The following HHIP variants were observed in gnomAD, a reference collection of about 807,000 sequenced individuals.
HHIP encodes the protein hedgehog interacting protein, also known as hedgehog-interacting protein.
A neutral mutation model predicts 74.0 loss-of-function variants in HHIP; 12 were observed. The ratio of observed to expected loss-of-function variants is 0.16; its 90% CI spans 0.10 to 0.26. HHIP has a LOEUF of 0.26. Ranked by LOEUF, HHIP falls within the 10% of genes least tolerant of loss-of-function variation. The pLI is 1.00. For missense variants in HHIP, 788 were observed against 845.0 expected (o/e 0.93, Z 0.84); for synonymous variants, 309 against 311.6 (o/e 0.99, Z 0.09).
intron 1 of HHIP, among the ~76,000 whole-genome samples, chr4:144,649,115 C>T (rs1224169040): frequency 1.3e-5 from 2 of 152,048 alleles, no homozygotes; most frequent in Admixed American, 6.6e-5. Flanking sequence ...TAATAAACTT[C>T]AGTGTTTCCC....
rs1398921903 is a variant in HHIP, at chr4:144,648,910, A to G, written c.279+1956A>G. ...CTGTTTTATGTGCTTCCAATCTCCA[A>G]CAAACCCCTACTCATTTGGAAAGTG... On this transcript the variant is annotated intron_variant, in intron 1 of 12. Transcript: ENST00000296575. Among the ~76,000 whole-genome samples the G allele has an allele frequency of 7.9e-5, 12 of 152,302 alleles. No homozygotes were observed. The East Asian group carries it at 1.5e-3, about 20-fold the overall frequency.
At chr4:144,684,227 A>G (rs1170927210) in intron 4 of HHIP, among the ~76,000 whole-genome samples, 5 of 146,114 alleles carry the variant, frequency 3.4e-5, no homozygotes, top group African/African-American at 1.0e-4. Flanking sequence ...CAAAAAAAAA[A>G]AAGAATTTTT....
At chr4:144,674,797 A>C (rs1158875314) in intron 4 of HHIP, among the ~76,000 whole-genome samples, 1 of 152,164 alleles carries the variant, frequency 6.6e-6, no homozygotes, top group Non-Finnish European at 1.5e-5. Context: ...CATGCTTCTT[A>C]AAAGTGAATT....
At chr4:144,696,961 C>T (rs949610679) in intron 4 of HHIP, among the ~76,000 whole-genome samples, 11 of 151,910 alleles carry the variant, frequency 7.2e-5, no homozygotes, top group Non-Finnish European at 4.4e-5. Context: ...AGACTTGCTC[C>T]TAATTTACAT....
intron 12 of HHIP, among the ~76,000 whole-genome samples, chr4:144,735,460 A>T (rs954619328): frequency 6.6e-6 from 1 of 152,160 alleles, no homozygotes; most frequent in South Asian, 2.1e-4. Flanking sequence ...CTGCTCAGAG[A>T]GAGCAAAGGA....
At chr4:144,725,099 T>C (rs1321735245) in intron 11 of HHIP, among the ~76,000 whole-genome samples, 1 of 152,182 alleles carries the variant, frequency 6.6e-6, no homozygotes, top group Non-Finnish European at 1.5e-5. Flanking sequence ...GAATATCTTA[T>C]ACTTTTATAG....
Position 144,698,682 on chromosome 4 carries a change from A to C in HHIP, c.832-7849A>C, listed in dbSNP as rs962273637. Among the ~76,000 whole-genome samples the C allele has an allele frequency of 2.6e-5, 4 of 152,200 alleles. No individual in the cohort carries two copies. In the East Asian group the frequency reaches 5.8e-4, roughly 22 times the overall value. On this transcript the variant is annotated intron_variant, in intron 4 of 12. Transcript: ENST00000296575. ...GGAAAAGTAGAGGAAATTTTAATGAAAAGGGAGAATTCCTATTAGAATTGA... is the reference window on the plus strand; with the variant it reads ...GGAAAAGTAGAGGAAATTTTAATGACAAGGGAGAATTCCTATTAGAATTGA...
At chr4:144,674,368 A>G (rs1293344551) in intron 4 of HHIP, among the ~76,000 whole-genome samples, 1 of 152,226 alleles carries the variant, frequency 6.6e-6, no homozygotes, top group Non-Finnish European at 1.5e-5. Context: ...AAAAAATAAA[A>G]GCAGGAGACT....
chr4:144,672,470 G>A (rs1411339107), intron 4 of HHIP, among the ~76,000 whole-genome samples: 1 of 152,080 alleles, frequency 6.6e-6, no homozygotes, highest in Non-Finnish European at 1.5e-5. Context: ...GGGGTGGTAG[G>A]GGAGAAGCCC....
At chr4:144,682,421 T>C (rs958078782) in intron 4 of HHIP, among the ~76,000 whole-genome samples, 2 of 152,266 alleles carry the variant, frequency 1.3e-5, no homozygotes, top group Non-Finnish European at 2.9e-5. Context: ...GTTGGATTTA[T>C]TTCTTTCAAA....
intron 4 of HHIP, among the ~76,000 whole-genome samples, chr4:144,669,251 T>C (rs1728966206): frequency 6.6e-6 from 1 of 152,202 alleles, no homozygotes; most frequent in Non-Finnish European, 1.5e-5. Context: ...CAGTCAAATA[T>C]GTTTTGAAAA....
intron 4 of HHIP, among the ~76,000 whole-genome samples, chr4:144,704,564 C>T (rs1730077481): frequency 6.6e-6 from 1 of 152,194 alleles, no homozygotes; most frequent in Non-Finnish European, 1.5e-5. Context: ...TCCTGAGAAG[C>T]AACCAGCACA....
rs1252019549 is a variant in HHIP at position 144,652,797 on chromosome 4, G to T, written c.472G>T (p.Gly158Cys). Reference protein sequence around the residue: ...FFYTCRGHIPGFLQTTADEFC... With the variant: ...FFYTCRGHIPCFLQTTADEFC... ...TTACACTTGCCGAGGCCATATTCCA[G>T]GTAAGAAAAAAAAATGCATAAGTAA... The change falls in exon 2 of 13, where the codon GGT (glycine) becomes TGT (cysteine). Residue 158 changes from glycine (G) to cysteine (C), a missense_variant and splice_region_variant. Around this residue, in one of 3 missense-constraint regions of HHIP, gnomAD observed 373 missense variants for 366.4 expected, o/e 1.02. Coordinates refer to ENST00000296575, the MANE Select transcript of HHIP (RefSeq NM_022475.3). 1.3e-6 allele frequency: 2 copies of T among 1,555,268 alleles called. No homozygotes were observed. Among genetic ancestry groups the T allele is most frequent in the African/African-American group, 1.4e-5 (1 of 70,088 alleles).
chr4:144,687,024 G>C (rs779533150), intron 4 of HHIP, among the ~76,000 whole-genome samples: 3 of 151,740 alleles, frequency 2.0e-5, no homozygotes, highest in Non-Finnish European at 3.0e-5. Context: ...AAATCATCAA[G>C]TCTTCAGGGC....
intron 4 of HHIP, among the ~76,000 whole-genome samples, chr4:144,665,702 TAA>T (rs1221123695): frequency 6.6e-6 from 1 of 152,234 alleles, no homozygotes. Context: ...TCAATAAGTA[TAA>T]GTGTGCATTT....
At chr4:144,668,549 C>A (rs541797033) in intron 4 of HHIP, among the ~76,000 whole-genome samples, 26 of 152,140 alleles carry the variant, frequency 1.7e-4, no homozygotes, top group African/African-American at 6.0e-4. Flanking sequence ...GTCAAGAGAT[C>A]GAGATGATCA....
At chr4:144,701,114 T>C (rs1212224234) in intron 4 of HHIP, among the ~76,000 whole-genome samples, 1 of 152,220 alleles carries the variant, frequency 6.6e-6, no homozygotes, top group Non-Finnish European at 1.5e-5. Flanking sequence ...ATATATCTTA[T>C]AGGGAATTCA....
chr4:144,658,770 T>C lies in HHIP; in HGVS notation c.473-20T>C, dbSNP rs1283279934. The C allele has an allele frequency of 6.2e-7, 1 of 1,602,154 alleles. No homozygotes were observed. The highest frequency in any genetic ancestry group is 8.5e-7 in the Non-Finnish European group (1 of 1,173,480). On this transcript the variant is annotated intron_variant, in intron 2 of 12. Coordinates refer to ENST00000296575, the MANE Select transcript of HHIP (RefSeq NM_022475.3). ...TATGACATTAGGTGCTTCTAATGAGTCTTTTTATATTTTTTAAAGGTTTCC... is the reference window on the plus strand; with the variant it reads ...TATGACATTAGGTGCTTCTAATGAGCCTTTTTATATTTTTTAAAGGTTTCC...
intron 4 of HHIP, among the ~76,000 whole-genome samples, chr4:144,679,796 G>T (rs1443468605): frequency 6.6e-6 from 1 of 152,102 alleles, no homozygotes; most frequent in Non-Finnish European, 1.5e-5. Context: ...AATATTTTCA[G>T]TATTTCTTTA....
Sources: allele counts gnomAD v4.1 joint callset (sites outside exome capture counted in the v4.1 genomes callset), GRCh38; gene constraint gnomAD v4.1.1; regional missense constraint gnomAD v4.1.1; transcripts MANE v1.5; gene names NCBI Gene and HGNC (gene_info 2026-07-23, HGNC 2026-07-21).